Variants in ZFAND3 observed in about 807,000 individuals in gnomAD.
ZFAND3 encodes zinc finger AN1-type containing 3, also known as AN1-type zinc finger protein 3.
In ZFAND3, 10 loss-of-function variants were observed where a neutral mutation model predicts 29.6. The observed-to-expected ratio is 0.34, with a 90% CI of 0.21 to 0.57. ZFAND3 has a LOEUF of 0.57. Among genes scored for constraint, ZFAND3 ranks in the 20% least tolerant of loss-of-function variants. ZFAND3 has a pLI of 0.86. For synonymous variants in ZFAND3, 128 were observed against 112.6 expected (o/e 1.14, Z -0.87); for missense variants, 230 against 304.5 (o/e 0.76, Z 1.82).
At chr6:37,909,399 C>T (rs370384565) in intron 1 of ZFAND3, among the ~76,000 whole-genome samples, 6 of 151,760 alleles carry the variant, frequency 4.0e-5, no homozygotes, top group African/African-American at 1.5e-4. Context: ...CCTGCCTCAG[C>T]CTCCCTAGTA....
intron 2 of ZFAND3, among the ~76,000 whole-genome samples, chr6:37,994,347 C>G (rs1762812682): frequency 6.6e-6 from 1 of 152,132 alleles, no homozygotes; most frequent in South Asian, 2.1e-4. Context: ...TCAGGTTAGG[C>G]AGACCACCTG....
rs371718518 is a variant in ZFAND3 at position 38,135,810 on chromosome 6, A to G, written c.530-16425A>G. On this transcript the variant is annotated intron_variant, in intron 5 of 5. Transcript: ENST00000287218. The stretch of plus-strand genomic sequence containing the variant: ...AGCTGTGTAGACAGATGAGAGGTAC[A>G]CACGTAAGAGCTGCTTGGTGTGGAC... Among the ~76,000 whole-genome samples, 17 of 152,232 alleles carry G rather than the reference A, an allele frequency of 1.1e-4. No homozygotes were observed. In the East Asian group the frequency reaches 3.1e-3, roughly 28 times the overall value.
At chr6:37,995,197 T>C (rs183883641) in intron 2 of ZFAND3, among the ~76,000 whole-genome samples, 232 of 152,344 alleles carry the variant, frequency 1.5e-3, no homozygotes, top group Admixed American at 2.7e-3. Flanking sequence ...CCCATGTTTT[T>C]TTCTTCTTCT....
intron 2 of ZFAND3, among the ~76,000 whole-genome samples, chr6:38,022,410 A>C (rs147187424): frequency 6.7e-4 from 102 of 152,326 alleles, no homozygotes; most frequent in African/African-American, 2.3e-3. Context: ...CTGTTTGTGC[A>C]TCTTCCTGGA....
intron 1 of ZFAND3, among the ~76,000 whole-genome samples, chr6:37,911,715 C>G (rs1434454301): frequency 6.6e-6 from 1 of 152,116 alleles, no homozygotes; most frequent in Non-Finnish European, 1.5e-5. Context: ...ACAGAACAGG[C>G]ATAATTATAA....
intron 1 of ZFAND3, among the ~76,000 whole-genome samples, chr6:37,899,516 G>A (rs1162779658): frequency 6.6e-6 from 1 of 152,118 alleles, no homozygotes; most frequent in African/African-American, 2.4e-5. Context: ...TTTCATGAAT[G>A]CTTTAATGAT....
chr6:37,984,093 A>G (rs905687178), intron 2 of ZFAND3, among the ~76,000 whole-genome samples: 19 of 152,326 alleles, frequency 1.2e-4, no homozygotes, highest in South Asian at 1.0e-3. Flanking sequence ...GTGGTAAACT[A>G]TCTGGATGAT....
intron 1 of ZFAND3, among the ~76,000 whole-genome samples, chr6:37,866,029 A>G (rs1034773816): frequency 2.6e-5 from 4 of 151,948 alleles, no homozygotes; most frequent in African/African-American, 4.8e-5. Context: ...GTCTCACTAT[A>G]TTGTCCCGGC....
intron 1 of ZFAND3, among the ~76,000 whole-genome samples, chr6:37,840,394 T>C (rs1267984265): frequency 6.6e-6 from 1 of 152,258 alleles, no homozygotes; most frequent in Non-Finnish European, 1.5e-5. Context: ...CCACCGCGCC[T>C]GGCCAATTTT....
chr6:38,134,358 T>G (rs1000163678), intron 5 of ZFAND3, among the ~76,000 whole-genome samples: 1 of 152,214 alleles, frequency 6.6e-6, no homozygotes, highest in Non-Finnish European at 1.5e-5. Context: ...CGGTGAATTA[T>G]ATTGATTTTA....
chr6:38,030,794 T>G (rs1320326174), intron 2 of ZFAND3, among the ~76,000 whole-genome samples: 1 of 152,008 alleles, frequency 6.6e-6, no homozygotes, highest in African/African-American at 2.4e-5. Flanking sequence ...GAAAAAAACT[T>G]CATGGGGGTA....
intron 3 of ZFAND3, among the ~76,000 whole-genome samples, chr6:38,075,860 T>C (rs1007127688): frequency 6.6e-6 from 1 of 152,128 alleles, no homozygotes; most frequent in African/African-American, 2.4e-5. Context: ...CACGCCATTC[T>C]CCTGCCTCAG....
At chr6:37,896,827 T>A (rs1177584443) in intron 1 of ZFAND3, among the ~76,000 whole-genome samples, 1 of 152,028 alleles carries the variant, frequency 6.6e-6, no homozygotes, top group Non-Finnish European at 1.5e-5. Flanking sequence ...TAACTCTTTG[T>A]AGAAATTGCC....
chr6:38,042,577 G>A (rs1291953380), intron 2 of ZFAND3, among the ~76,000 whole-genome samples: 1 of 152,148 alleles, frequency 6.6e-6, no homozygotes, highest in African/African-American at 2.4e-5. Flanking sequence ...GCCTCCCAAA[G>A]TGCTGGGATC....
chr6:38,032,929 A>T (rs1032817478), intron 2 of ZFAND3, among the ~76,000 whole-genome samples: 10 of 152,206 alleles, frequency 6.6e-5, no homozygotes, highest in African/African-American at 2.4e-4. Context: ...TGAATGTACT[A>T]TGCAGAGTCC....
At chr6:37,875,891 A>G (rs1764784717) in intron 1 of ZFAND3, among the ~76,000 whole-genome samples, 1 of 151,894 alleles carries the variant, frequency 6.6e-6, no homozygotes, top group Non-Finnish European at 1.5e-5. Flanking sequence ...GGCTGGTCTC[A>G]AACTTCTGGG....
At chr6:37,965,049 G>A (rs911981141) in intron 2 of ZFAND3, among the ~76,000 whole-genome samples, 2 of 152,166 alleles carry the variant, frequency 1.3e-5, no homozygotes, top group African/African-American at 2.4e-5. Context: ...TGTGGTAAAA[G>A]ACCAGTTCTT....
chr6:37,878,496 T>G (rs993758212), intron 1 of ZFAND3, among the ~76,000 whole-genome samples: 1 of 151,994 alleles, frequency 6.6e-6, no homozygotes, highest in Admixed American at 6.6e-5. Flanking sequence ...GATGTAGCTC[T>G]GAGAGGTGAG....
chr6:37,847,577 T>C (rs188591952), intron 1 of ZFAND3, among the ~76,000 whole-genome samples: 1 of 152,180 alleles, frequency 6.6e-6, no homozygotes, highest in Non-Finnish European at 1.5e-5. Flanking sequence ...TGCAGAATAT[T>C]AGACAATCAG....
Sources: gnomAD v4.1 joint callset for allele counts (sites outside exome capture counted in the v4.1 genomes callset) on GRCh38, gnomAD v4.1.1 for gene constraint, MANE v1.5 for transcripts, NCBI Gene and HGNC (gene_info 2026-07-23, HGNC 2026-07-21) for gene names.